Variants in CFAP221 observed in about 807,000 individuals in gnomAD.
The protein encoded by CFAP221 is cilia- and flagella-associated protein 221.
Under a neutral mutation model 113.1 loss-of-function variants are expected in CFAP221, and 97 were observed. That is an observed-to-expected ratio of 0.86 (90% CI 0.73 to 1.02). The LOEUF (loss-of-function observed/expected upper bound fraction) is 1.02, where lower values mean the gene tolerates loss of function less well. CFAP221 is among the 50% of genes least tolerant of loss of function. The pLI is 0.00. For synonymous variants in CFAP221, 331 were observed against 354.4 expected (o/e 0.93, Z 0.74); for missense variants, 1,025 against 1,013.4 (o/e 1.01, Z -0.16).
chr2:119,648,158 A>G (rs575409363), intron 22 of CFAP221, among the ~76,000 whole-genome samples: 2 of 152,356 alleles, frequency 1.3e-5, no homozygotes, highest in South Asian at 2.1e-4. Context: ...AATTAGATAT[A>G]CTACCATTAA....
rs751184112 is a variant in CFAP221 at position 119,615,723 on chromosome 2, C to T, written c.1410+14C>T. 3.8e-6 allele frequency: 6 copies of T among 1,580,426 alleles called. No homozygotes were observed. The highest frequency in any genetic ancestry group is 5.2e-6 in the Non-Finnish European group (6 of 1,154,708). ...GTAGCACGCAAGGTAAGTCTCAGCACCAGCTGGAAATGTTGATTTGTTTAC... is the reference window on the plus strand; with the variant it reads ...GTAGCACGCAAGGTAAGTCTCAGCATCAGCTGGAAATGTTGATTTGTTTAC... On this transcript the variant is annotated intron_variant, in intron 14 of 23. Coordinates refer to ENST00000413369, the MANE Select transcript of CFAP221 (RefSeq NM_001271049.2).
chr2:119,622,068 G>C (rs989593571), intron 14 of CFAP221, among the ~76,000 whole-genome samples: 1 of 152,116 alleles, frequency 6.6e-6, no homozygotes, highest in Non-Finnish European at 1.5e-5. Context: ...AAAAATCAAT[G>C]AATCCAAGAG....
intron 16 of CFAP221, among the ~76,000 whole-genome samples, chr2:119,629,289 C>G (rs1686594152): frequency 6.6e-6 from 1 of 152,140 alleles, no homozygotes; most frequent in Non-Finnish European, 1.5e-5. Flanking sequence ...TTAGGCAGTT[C>G]TTCGGGGGTT....
chr2:119,593,731 G>A (rs951041467), intron 7 of CFAP221, among the ~76,000 whole-genome samples: 4 of 152,224 alleles, frequency 2.6e-5, no homozygotes, highest in Middle Eastern at 3.4e-3. Context: ...CCCAGCTACC[G>A]GGAGGCTGAG....
In CFAP221 at chr2:119,568,675, C is replaced by T. The variant is rs1436049164; in HGVS notation, c.527+6561C>T. On this transcript the variant is annotated intron_variant, in intron 6 of 23. Transcript: ENST00000413369. ...TTCCTGCAAAGGACATTATTTCATT[C>T]CTTTTTATGGCTGGATAGTATTCCA... Among the ~76,000 whole-genome samples, 53 of 152,178 alleles carry T rather than the reference C, an allele frequency of 3.5e-4. 1 individual carries two copies. Among genetic ancestry groups the T allele is most frequent in the Admixed American group, 3.5e-3 (53 of 15,282 alleles).
rs1486106037 is a variant in CFAP221 at position 119,649,773 on chromosome 2, G to T, written c.2319-2201G>T. Among the ~76,000 whole-genome samples the T allele has an allele frequency of 2.0e-5, 3 of 152,148 alleles. No individual in the cohort carries two copies. In the East Asian group the frequency reaches 5.8e-4, roughly 29 times the overall value. On this transcript the variant is annotated intron_variant, in intron 22 of 23. Transcript: ENST00000413369. ...AGAGGAACAAGGACACAGCCCTGTT[G>T]TTTATCTTAGGATGTTGCATTCTCA...
chr2:119,656,907 A>G (rs1323384405), downstream of CFAP221, among the ~76,000 whole-genome samples: 1 of 152,118 alleles, frequency 6.6e-6, no homozygotes, highest in East Asian at 1.9e-4. Flanking sequence ...GGCTCCCCAC[A>G]TAGCTGTGCA....
At chr2:119,585,514 T>C (rs1188214765) in intron 6 of CFAP221, among the ~76,000 whole-genome samples, 1 of 152,236 alleles carries the variant, frequency 6.6e-6, no homozygotes, top group African/African-American at 2.4e-5. Context: ...GTTTTATTTC[T>C]TTAAAAACAT....
chr2:119,584,405 A>G (rs1355177383), intron 6 of CFAP221, among the ~76,000 whole-genome samples: 1 of 152,030 alleles, frequency 6.6e-6, no homozygotes, highest in African/African-American at 2.4e-5. Context: ...TGGGCAACAT[A>G]GTGGGAACTC....
chr2:119,561,393 G>T (rs1266826101), intron 5 of CFAP221, among the ~76,000 whole-genome samples: 1 of 152,152 alleles, frequency 6.6e-6, no homozygotes, highest in Non-Finnish European at 1.5e-5. Flanking sequence ...TGTATAAAAT[G>T]CCAGGACACA....
chr2:119,565,803 A>G (rs374856950), intron 6 of CFAP221, among the ~76,000 whole-genome samples: 11 of 152,338 alleles, frequency 7.2e-5, no homozygotes, highest in African/African-American at 9.6e-5. Context: ...GCTACATTCA[A>G]TCCAAAATGT....
chr2:119,545,785 C>T (rs1680008756), intron 1 of CFAP221, among the ~76,000 whole-genome samples: 1 of 152,168 alleles, frequency 6.6e-6, no homozygotes, highest in African/African-American at 2.4e-5. Context: ...TTTTTCCCTT[C>T]TCGGGCCCCT....
chr2:119,563,518 C>A (rs1681408311), intron 6 of CFAP221, among the ~76,000 whole-genome samples: 1 of 152,136 alleles, frequency 6.6e-6, no homozygotes, highest in African/African-American at 2.4e-5. Flanking sequence ...CCCTCCACCC[C>A]ACCTACCTGG....
At chr2:119,593,017 G>A (rs1683702022) in intron 7 of CFAP221, among the ~76,000 whole-genome samples, 1 of 152,252 alleles carries the variant, frequency 6.6e-6, no homozygotes, top group Middle Eastern at 3.4e-3. Flanking sequence ...TTGTTATTTT[G>A]GGAAATGTTT....
chr2:119,614,817 T>C (rs1414675926), intron 13 of CFAP221, among the ~76,000 whole-genome samples: 2 of 152,220 alleles, frequency 1.3e-5, no homozygotes, highest in African/African-American at 4.8e-5. Context: ...TTCTCACTTT[T>C]CTTTGCTAGG....
rs1332438835 is a variant in CFAP221, at chr2:119,546,226, A to G, written c.95A>G (p.Glu32Gly). 4 of 1,535,682 alleles carry G rather than the reference A, an allele frequency of 2.6e-6. No homozygotes were observed. The African/African-American group carries it at 5.5e-5, about 21-fold the overall frequency. Residue 32 changes from glutamate to glycine, a missense_variant, in exon 2 of 24, where the codon GAG (glutamate) becomes GGG (glycine). Physicochemically the swap from Glu to Gly is moderately conservative, Grantham distance 98. Transcript: ENST00000413369. Reference sequence around the variant, plus strand: ...CATCTCTTGAAGAACCTAGTGGAGGAGCCGAAAAAAAGAAAAGAAGTACCT... The same window carrying G: ...CATCTCTTGAAGAACCTAGTGGAGGGGCCGAAAAAAAGAAAAGAAGTACCT... The part of the protein sequence containing the change: ...SPHLLKNLVE[E>G]PKKRKEVPNH...
chr2:119,605,323 A>T (rs780720081), intron 11 of CFAP221, 34 bp downstream of exon 11: 14 of 1,461,272 alleles, frequency 9.6e-6, no homozygotes, highest in Non-Finnish European at 1.2e-5. Flanking sequence ...ATCAAGTGTC[A>T]GTACAGTTAT....
intron 5 of CFAP221, 74 bp downstream of exon 5, chr2:119,560,100 C>A: frequency 8.6e-7 from 1 of 1,156,650 alleles, no homozygotes; most frequent in Non-Finnish European, 1.2e-6. Context: ...TCAATGGTGG[C>A]AGAAAGAGAG....
downstream of CFAP221, among the ~76,000 whole-genome samples, chr2:119,658,012 GGA>G (rs1310235719): frequency 6.6e-6 from 1 of 152,150 alleles, no homozygotes; most frequent in Non-Finnish European, 1.5e-5. Flanking sequence ...ATAATCATGG[GGA>G]GAGACTTTGA....
Sources: gnomAD v4.1 joint callset for allele counts (sites outside exome capture counted in the v4.1 genomes callset) on GRCh38, gnomAD v4.1.1 for gene constraint, MANE v1.5 for transcripts, NCBI Gene and HGNC (gene_info 2026-07-23, HGNC 2026-07-21) for gene names.